Variants in PABPC4L observed in about 807,000 individuals in gnomAD.
PABPC4L encodes the protein poly(A) binding protein cytoplasmic 4 like, also known as polyadenylate-binding protein 4-like.
For synonymous variants in PABPC4L, 169 were observed against 164.1 expected, an observed-to-expected ratio of 1.03 and a Z score of -0.23; for missense variants, 452 against 451.4, an observed-to-expected ratio of 1.00 and a Z score of -0.01.
At chr4:134,157,381 T>C in the PABPC4L span, among the ~76,000 whole-genome samples, 3 of 151,740 alleles carry the variant, frequency 2.0e-5, no homozygotes, top group African/African-American at 7.2e-5. Context: ...TTTCAATATA[T>C]TAATATAATA....
chr4:134,094,966 T>G, the PABPC4L span, among the ~76,000 whole-genome samples: 2 of 151,740 alleles, frequency 1.3e-5, no homozygotes, highest in East Asian at 1.9e-4. Flanking sequence ...TTAGAAAATT[T>G]TATATGAAAA....
the PABPC4L span, among the ~76,000 whole-genome samples, chr4:133,998,566 C>T: frequency 0.28 from 42,438 of 151,728 alleles, 8,671 homozygotes; most frequent in African/African-American, 0.53. Flanking sequence ...AAACCCATTA[C>T]CCTAGAAAAG....
the PABPC4L span, among the ~76,000 whole-genome samples, chr4:134,085,461 G>C: frequency 6.6e-6 from 1 of 151,660 alleles, no homozygotes; most frequent in Admixed American, 6.6e-5. Flanking sequence ...ACGCACTAAC[G>C]CAAAGTCACA....
chr4:133,980,308 AT>A, the PABPC4L span, among the ~76,000 whole-genome samples: 2 of 152,124 alleles, frequency 1.3e-5, no homozygotes, highest in African/African-American at 4.8e-5. Context: ...TATTTCTCTT[AT>A]TTTTTAACAG....
the PABPC4L span, among the ~76,000 whole-genome samples, chr4:133,954,911 A>G: frequency 6.6e-6 from 1 of 152,176 alleles, no homozygotes; most frequent in South Asian, 2.1e-4. Flanking sequence ...AGGGGAGGAC[A>G]GAATGGTGGA....
chr4:134,086,533 A>C, the PABPC4L span, among the ~76,000 whole-genome samples: 1 of 152,106 alleles, frequency 6.6e-6, no homozygotes, highest in African/African-American at 2.4e-5. Context: ...TATCAAAAGA[A>C]GTGGAACCCT....
At chr4:134,193,323 A>G (rs988664575), downstream of PABPC4L, among the ~76,000 whole-genome samples, 1 of 151,968 alleles carries the variant, frequency 6.6e-6, no homozygotes, top group African/African-American at 2.4e-5. Flanking sequence ...AAATAAATAT[A>G]CCCATCCTAT....
chr4:134,166,189 T>G, the PABPC4L span, among the ~76,000 whole-genome samples: 1 of 152,092 alleles, frequency 6.6e-6, no homozygotes, highest in African/African-American at 2.4e-5. Context: ...TGTACACTAC[T>G]CAGGTGATGG....
At chr4:134,180,582 G>A in the PABPC4L span, among the ~76,000 whole-genome samples, 2 of 151,772 alleles carry the variant, frequency 1.3e-5, no homozygotes, top group Middle Eastern at 6.8e-3. Flanking sequence ...AGAGATCAGT[G>A]AATCTAGGAG....
At chr4:134,090,387 A>G in the PABPC4L span, among the ~76,000 whole-genome samples, 1 of 152,060 alleles carries the variant, frequency 6.6e-6, no homozygotes, top group African/African-American at 2.4e-5. Context: ...TCCATTTGAA[A>G]TACATTCCTT....
At chr4:134,127,580 G>A in the PABPC4L span, among the ~76,000 whole-genome samples, 1 of 152,070 alleles carries the variant, frequency 6.6e-6, no homozygotes, top group Non-Finnish European at 1.5e-5. Flanking sequence ...CTCTCAGGAA[G>A]CCCCATCCCT....
chr4:134,117,856 C>T, the PABPC4L span, among the ~76,000 whole-genome samples: 21 of 151,828 alleles, frequency 1.4e-4, no homozygotes, highest in Admixed American at 1.4e-3. Flanking sequence ...CACATTCTTG[C>T]TGCATATGCC....
At chr4:134,031,632 A>G in the PABPC4L span, among the ~76,000 whole-genome samples, 51 of 151,928 alleles carry the variant, frequency 3.4e-4, no homozygotes, top group Non-Finnish European at 4.4e-5. Flanking sequence ...CTTCACTTCT[A>G]ACTGTATGTA....
the PABPC4L span, among the ~76,000 whole-genome samples, chr4:134,013,867 A>C: frequency 6.6e-6 from 1 of 151,218 alleles, no homozygotes. Flanking sequence ...CTCAGGCTCC[A>C]CTCCTCCACC....
the PABPC4L span, among the ~76,000 whole-genome samples, chr4:134,079,604 A>AAC: frequency 1.7e-5 from 2 of 116,724 alleles, no homozygotes; most frequent in African/African-American, 3.3e-5. Context: ...AAAAAAAAAA[A>AAC]AAAAAAACTG....
At position 134,201,008 on chromosome 4, in the gene PABPC4L, T is replaced by C. The variant is rs772443105; in HGVS notation, c.12A>G (p.Ala4=). MNV[A]AKYRMASLYV... ...ACAGGGAGGCCATGCGGTACTTGGCTGCTACATTCATCTCCTTGTCCTTGC... is the reference window on the plus strand; with the variant it reads ...ACAGGGAGGCCATGCGGTACTTGGCCGCTACATTCATCTCCTTGTCCTTGC... The change falls in exon 2 of 2, where the codon GCA becomes GCG. Residue 4 remains alanine, a synonymous_variant. Coordinates refer to ENST00000421491, the MANE Select transcript of PABPC4L (RefSeq NM_001114734.2). 1.3e-6 allele frequency: 2 copies of C among 1,551,792 alleles called. No individual in the cohort carries two copies. Among genetic ancestry groups the C allele is most frequent in the African/African-American group, 1.4e-5 (1 of 73,052 alleles).
chr4:134,071,898 T>TCCAG, the PABPC4L span, among the ~76,000 whole-genome samples: 1 of 152,018 alleles, frequency 6.6e-6, no homozygotes, highest in Non-Finnish European at 1.5e-5. Flanking sequence ...CAGACAGGAG[T>TCCAG]ATAGAAAAAG....
At chr4:133,969,754 C>G in the PABPC4L span, among the ~76,000 whole-genome samples, 1 of 152,118 alleles carries the variant, frequency 6.6e-6, no homozygotes, top group South Asian at 2.1e-4. Flanking sequence ...ACAAATGTTC[C>G]CTGCCTTCCT....
At chr4:134,145,399 G>C in the PABPC4L span, among the ~76,000 whole-genome samples, 8 of 151,964 alleles carry the variant, frequency 5.3e-5, no homozygotes, top group South Asian at 1.4e-3. Context: ...AAAGCGGTAA[G>C]CCTCAGAAAG....
Sources: allele counts gnomAD v4.1 joint callset (sites outside exome capture counted in the v4.1 genomes callset), GRCh38; gene constraint gnomAD v4.1.1; transcripts MANE v1.5; gene names NCBI Gene and HGNC (gene_info 2026-07-23, HGNC 2026-07-21).